Variants in KCNJ14 observed in about 807,000 individuals in gnomAD.
The protein encoded by KCNJ14 is potassium inwardly rectifying channel subfamily J member 14, also known as ATP-sensitive inward rectifier potassium channel 14.
A neutral mutation model predicts 24.5 loss-of-function variants in KCNJ14; 18 were observed. That is an observed-to-expected ratio of 0.74 (90% CI 0.51 to 1.09). The LOEUF (loss-of-function observed/expected upper bound fraction) is 1.09. KCNJ14 is among the 50% of genes least tolerant of loss of function. The probability of loss-of-function intolerance (pLI) is 0.00; values close to 1 mark genes in which losing one functional copy is unlikely to be tolerated. For missense variants in KCNJ14, 633 were observed against 623.0 expected (o/e 1.02, Z -0.17); for synonymous variants, 288 against 270.8 (o/e 1.06, Z -0.63).
chr19:48,462,262 G>A lies in KCNJ14; in HGVS notation c.538G>A (p.Val180Ile), dbSNP rs1445054717. The part of the protein sequence containing the change: ...CIAGCVLDAF[V>I]VGAVMAKMAK... Reference sequence around the variant, plus strand: ...TGCCGGCTGCGTGCTCGACGCCTTCGTCGTGGGTGCTGTCATGGCCAAGAT... The same window carrying A: ...TGCCGGCTGCGTGCTCGACGCCTTCATCGTGGGTGCTGTCATGGCCAAGAT... The change falls in exon 2 of 3, where the codon GTC becomes ATC. Residue 180 changes from valine to isoleucine, a missense_variant. By Grantham distance (29) the Val-to-Ile change is conservative. Coordinates refer to ENST00000342291, the MANE Select transcript of KCNJ14 (RefSeq NM_013348.4). This position sits in a 1 kb window ranked among gnomAD's most constrained non-coding sequence, Gnocchi z 4.9. The A allele has an allele frequency of 6.5e-7, 1 of 1,547,682 alleles. No homozygotes were observed. The highest frequency in any genetic ancestry group is 2.4e-5 in the East Asian group (1 of 41,038).
At position 48,464,205 on chromosome 19, in the gene KCNJ14, T is replaced by C. The variant is rs764068356; in HGVS notation, c.739T>C (p.Tyr247His). ...LQPRVTPEGE[Y>H]IPLDHQDVDV... ...GCCCCGTGTGACCCCAGAGGGTGAGTACATCCCGCTGGACCACCAGGATGT... is the reference window on the plus strand; with the variant it reads ...GCCCCGTGTGACCCCAGAGGGTGAGCACATCCCGCTGGACCACCAGGATGT... The change falls in exon 3 of 3, where the codon TAC becomes CAC. Residue 247 changes from tyrosine to histidine, a missense_variant. Transcript: ENST00000342291. 1.9e-6 allele frequency: 3 copies of C among 1,613,960 alleles called. No homozygotes were observed. The highest frequency in any genetic ancestry group is 2.2e-5 in the South Asian group (2 of 91,078).
intron 1 of KCNJ14, among the ~76,000 whole-genome samples, chr19:48,459,295 A>G (rs942101648): frequency 6.7e-6 from 1 of 150,018 alleles, no homozygotes; most frequent in African/African-American, 2.4e-5. Flanking sequence ...TTCATGATTG[A>G]GTTGCAAGGG....
chr19:48,458,855 G>A (rs868132936), intron 1 of KCNJ14, among the ~76,000 whole-genome samples: 11 of 144,384 alleles, frequency 7.6e-5, no homozygotes, highest in Middle Eastern at 3.8e-3. Flanking sequence ...AGAATCTCTT[G>A]TACCCAGGAG....
Position 48,461,803 on chromosome 19 carries a change from G to A in KCNJ14, c.79G>A (p.Ala27Thr), listed in dbSNP as rs749217339. 4 of 1,478,216 alleles carry A rather than the reference G, an allele frequency of 2.7e-6. No homozygotes were observed. The African/African-American group carries it at 5.7e-5, about 21-fold the overall frequency. The allele number at this position is 1,478,216 out of a possible 1,614,324, so 91.6% of individuals were successfully genotyped here. The change falls in exon 2 of 3, where the codon GCC becomes ACC. Residue 27 changes from alanine to threonine, a missense_variant. By Grantham distance (58) the Ala-to-Thr change is moderately conservative. Coordinates refer to ENST00000342291, the MANE Select transcript of KCNJ14 (RefSeq NM_013348.4). Reference protein sequence around the residue: ...GDSRAGDEEEAGPGLCRNGWA... With the variant: ...GDSRAGDEEETGPGLCRNGWA... ...CAGCCGGGCGGGCGATGAAGAGGAG[G>A]CCGGGCCCGGGTTGTGCCGCAACGG... is the stretch of plus-strand genomic sequence containing the variant.
Position 48,464,724 on chromosome 19 carries a change from G to A in KCNJ14, c.1258G>A (p.Ala420Thr), listed in dbSNP as rs949140366. ...GAATGGGGTGGAAACAGAAGATGGG[G>A]CTGCTAGCCCCCGAGTTCTCACACC... ...EGNGVETEDG[A>T]ASPRVLTPTL... is the part of the protein sequence containing the mutation. The change falls in exon 3 of 3, where the codon GCT (alanine) becomes ACT (threonine). Residue 420 changes from alanine to threonine, a missense_variant. Physicochemically the swap from Ala to Thr is moderately conservative, Grantham distance 58 (BLOSUM62 0). Coordinates refer to ENST00000342291, the MANE Select transcript of KCNJ14 (RefSeq NM_013348.4). 3 of 1,611,662 alleles carry A rather than the reference G, an allele frequency of 1.9e-6. No homozygotes were observed. The highest frequency in any genetic ancestry group is 1.7e-6 in the Non-Finnish European group (2 of 1,180,002).
Position 48,464,687 on chromosome 19 carries a change from G to A in KCNJ14, c.1221G>A (p.Glu407=). The change falls in exon 3 of 3, where the codon GAG becomes GAA. Residue 407 remains glutamate (E), a synonymous_variant. Coordinates refer to ENST00000342291, the MANE Select transcript of KCNJ14 (RefSeq NM_013348.4). ...GCCAGGAGGAAGATGAGGACGATGA[G>A]ACTGAGGAAGGGAATGGGGTGGAAA... ...SCCQEEDEDD[E]TEEGNGVETE... 1 of 1,613,898 alleles carries A rather than the reference G, an allele frequency of 6.2e-7. No individual in the cohort carries two copies. The highest frequency in any genetic ancestry group is 8.5e-7 in the Non-Finnish European group (1 of 1,180,024).
rs1291130346 is a variant in KCNJ14 at position 48,462,438 on chromosome 19, G to A, written c.714G>A (p.Gln238=). The part of the protein sequence containing the change: ...VEAHVRAQLL[Q]PRVTPEGEYI... ...CCCACGTGCGTGCCCAGCTGCTGCA[G>A]GTGCGCCCGGGAGGAGAGGCGGGGA... The change falls in exon 2 of 3, where the codon CAG becomes CAA. Residue 238 remains glutamine, a splice_region_variant and synonymous_variant. Transcript: ENST00000342291. The surrounding 1 kb of genome is among the most constrained non-coding windows in gnomAD (Gnocchi z 4.9). The A allele has an allele frequency of 6.8e-7, 1 of 1,466,412 alleles. No homozygotes were observed. The highest frequency in any genetic ancestry group is 9.0e-7 in the Non-Finnish European group (1 of 1,106,346). 90.8% of individuals were successfully genotyped at this position (1,466,412 alleles called of 1,614,324 possible).
intron 1 of KCNJ14, among the ~76,000 whole-genome samples, chr19:48,458,429 A>G (rs1971559281): frequency 2.0e-5 from 3 of 152,214 alleles, no homozygotes; most frequent in Admixed American, 6.5e-5. Context: ...TCTGATGGCT[A>G]ATGATGTTGA....
At position 48,466,925 on chromosome 19, in the gene KCNJ14, AGAGT is replaced by A. The variant is rs1442454453; in HGVS notation, c.*2154_*2157del. ...ACACCAGGGTTCTTCCCATTGTGGG[AGAGT>A]GAGTGTTTTAGGGGGAGACCTGTCC... On this transcript the variant is annotated 3_prime_UTR_variant, in exon 3 of 3. Transcript: ENST00000342291. The A allele has an allele frequency of 7.2e-5, 11 of 152,150 alleles. No individual in the cohort carries two copies. Among genetic ancestry groups the A allele is most frequent in the African/African-American group, 2.7e-4 (11 of 41,418 alleles). The allele number at this position is 152,150 out of a possible 1,614,324, so 9.4% of individuals were successfully genotyped here. A position where few individuals can be genotyped will look rare whatever the true frequency, so the allele number is the denominator to read the frequency against.
rs151013666 is a variant in KCNJ14, at chr19:48,464,737, G to C, written c.1271G>C (p.Arg424Pro). Reference protein sequence around the residue: ...VETEDGAASPRVLTPTLALTL... With the variant: ...VETEDGAASPPVLTPTLALTL... ...ACAGAAGATGGGGCTGCTAGCCCCC[G>C]AGTTCTCACACCAACCCTGGCGCTG... The change falls in exon 3 of 3, where the codon CGA becomes CCA. Residue 424 changes from arginine to proline, a missense_variant. Arg to Pro is a moderately radical substitution (Grantham distance 103). Transcript: ENST00000342291. 6.2e-7 allele frequency: 1 copy of C among 1,609,168 alleles called. No individual in the cohort carries two copies. Among genetic ancestry groups the C allele is most frequent in the East Asian group, 2.2e-5 (1 of 44,874 alleles).
In KCNJ14 at chr19:48,464,739, G is replaced by C; in HGVS notation, c.1273G>C (p.Val425Leu). 1.2e-6 allele frequency: 2 copies of C among 1,609,076 alleles called. No individual in the cohort carries two copies. Among genetic ancestry groups the C allele is most frequent in the Non-Finnish European group, 1.7e-6 (2 of 1,179,928 alleles). The change falls in exon 3 of 3, where the codon GTT (valine) becomes CTT (leucine). Residue 425 changes from valine to leucine, a missense_variant. Transcript: ENST00000342291. ...ETEDGAASPR[V>L]LTPTLALTLP... The stretch of plus-strand genomic sequence containing the variant: ...AGAAGATGGGGCTGCTAGCCCCCGA[G>C]TTCTCACACCAACCCTGGCGCTGAC...
At position 48,462,619 on chromosome 19, in the gene KCNJ14, G is replaced by T. The variant is rs964551545; in HGVS notation, c.714+181G>T. On this transcript the variant is annotated intron_variant, in intron 2 of 2. Coordinates refer to ENST00000342291, the MANE Select transcript of KCNJ14 (RefSeq NM_013348.4). The surrounding 1 kb of genome is among the most constrained non-coding windows in gnomAD (Gnocchi z 4.9). ...GCTGGGGATGTAAACCCAACAGAAA[G>T]GTATGTGACCAGCTCTTCCTGGAGG... Among the ~76,000 whole-genome samples, 1 of 152,224 alleles carries T rather than the reference G, an allele frequency of 6.6e-6. No individual in the cohort carries two copies. Among genetic ancestry groups the T allele is most frequent in the Non-Finnish European group, 1.5e-5 (1 of 68,036 alleles).
rs910508500 is a variant in KCNJ14, at chr19:48,466,953, C to A, written c.*2176C>A. ...GTGAGTGTTTTAGGGGGAGACCTGT[C>A]CCCCAGATTAAAGAACTGGGAGCCC... On this transcript the variant is annotated 3_prime_UTR_variant, in exon 3 of 3. Transcript: ENST00000342291. 1 of 152,186 alleles carries A rather than the reference C, an allele frequency of 6.6e-6. No homozygotes were observed. The highest frequency in any genetic ancestry group is 2.4e-5 in the African/African-American group (1 of 41,428). The allele number at this position is 152,186 out of a possible 1,614,324, so 9.4% of individuals were successfully genotyped here. A position where few individuals can be genotyped will look rare whatever the true frequency, so the allele number is the denominator to read the frequency against.
In KCNJ14 at chr19:48,461,550, A is replaced by AAAAAAAAAAAAAAG. The variant is rs370425889; in HGVS notation, c.-55-120_-55-119insAAAAAAAAAAAAAG. ...CTCCAAAAAAAAAAAAAAAAAAAAA[A>AAAAAAAAAAAAAAG]TGCGTATCGTTCCACCTATTTGACA... On this transcript the variant is annotated intron_variant, in intron 1 of 2. Coordinates refer to ENST00000342291, the MANE Select transcript of KCNJ14 (RefSeq NM_013348.4). The AAAAAAAAAAAAAAG allele has an allele frequency of 3.0e-3, 1,057 of 351,112 alleles. 82 individuals carry two copies. Among genetic ancestry groups the AAAAAAAAAAAAAAG allele is most frequent in the African/African-American group, 0.015 (475 of 32,630 alleles). The allele number at this position is 351,112 out of a possible 1,614,324, so 21.7% of individuals were successfully genotyped here.
At chr19:48,460,282 T>C (rs1400741869) in intron 1 of KCNJ14, among the ~76,000 whole-genome samples, 1 of 152,038 alleles carries the variant, frequency 6.6e-6, no homozygotes, top group Non-Finnish European at 1.5e-5. Flanking sequence ...TCACTCTTGT[T>C]GTCCAGGCTG....
At chr19:48,457,877 G>A (rs2147491022) in intron 1 of KCNJ14, among the ~76,000 whole-genome samples, 1 of 151,996 alleles carries the variant, frequency 6.6e-6, no homozygotes, top group East Asian at 1.9e-4. Flanking sequence ...GTGGAGACGG[G>A]GTTTCACCAT....
chr19:48,456,991 CTTTTT>C, intron 1 of KCNJ14: 1 of 140,070 alleles, frequency 7.1e-6, no homozygotes, highest in Non-Finnish European at 1.6e-5. Context: ...CACCTGCCCT[CTTTTT>C]TTTTTTTTTT....
In KCNJ14 at chr19:48,466,698, G is replaced by A. The variant is rs1456615020; in HGVS notation, c.*1921G>A. ...TACACCAAGGGTGGGATGGGCATTCGAGTCCTGGGGATTTCCCTCCTCTCC... is the reference window on the plus strand; with the variant it reads ...TACACCAAGGGTGGGATGGGCATTCAAGTCCTGGGGATTTCCCTCCTCTCC... On this transcript the variant is annotated 3_prime_UTR_variant, in exon 3 of 3. Coordinates refer to ENST00000342291, the MANE Select transcript of KCNJ14 (RefSeq NM_013348.4). 2 of 152,210 alleles carry A rather than the reference G, an allele frequency of 1.3e-5. No individual in the cohort carries two copies. The highest frequency in any genetic ancestry group is 4.8e-5 in the African/African-American group (2 of 41,434). The allele number at this position is 152,210 out of a possible 1,614,324, so 9.4% of individuals were successfully genotyped here. A position where few individuals can be genotyped will look rare whatever the true frequency, so the allele number is the denominator to read the frequency against.
At position 48,464,472 on chromosome 19, in the gene KCNJ14, T is replaced by C. The variant is rs777753341; in HGVS notation, c.1006T>C (p.Phe336Leu). ...LWGHRFEPVLFQRGSQYEVDY... is the reference protein window; with the variant it reads ...LWGHRFEPVLLQRGSQYEVDY... ...GGGCCATCGTTTTGAGCCAGTTCTC[T>C]TCCAGCGTGGCTCCCAGTATGAGGT... Residue 336 changes from phenylalanine to leucine, a missense_variant, in exon 3 of 3, where the codon TTC becomes CTC. By Grantham distance (22) the Phe-to-Leu change is conservative. Transcript: ENST00000342291. 6.2e-7 allele frequency: 1 copy of C among 1,614,078 alleles called. No individual in the cohort carries two copies. Among genetic ancestry groups the C allele is most frequent in the East Asian group, 2.2e-5 (1 of 44,882 alleles).
Sources: gnomAD v4.1 joint callset for allele counts (sites outside exome capture counted in the v4.1 genomes callset) on GRCh38, gnomAD v4.1.1 for gene constraint, Gnocchi (gnomAD v3.1) non-coding constraint, MANE v1.5 for transcripts, NCBI Gene and HGNC (gene_info 2026-07-23, HGNC 2026-07-21) for gene names.